UNC5D: variants seen among roughly 807,000 people sequenced by gnomAD.
UNC5D encodes the protein unc-5 netrin receptor D, also known as netrin receptor UNC5D.
UNC5D carries 39 observed loss-of-function variants against 105.4 expected under a neutral mutation model. That is an observed-to-expected ratio of 0.37 (90% CI 0.29 to 0.48). The LOEUF is 0.48. Ranked by LOEUF, UNC5D falls within the 20% of genes least tolerant of loss-of-function variation. UNC5D has a pLI of 0.98. For synonymous variants in UNC5D, 452 were observed against 450.4 expected, an observed-to-expected ratio of 1.00 and a Z score of -0.04; for missense variants, 991 against 1,202.4, an observed-to-expected ratio of 0.82 and a Z score of 2.60.
At chr8:35,484,690 G>T (rs1277311970) in intron 1 of UNC5D, among the ~76,000 whole-genome samples, 1 of 152,046 alleles carries the variant, frequency 6.6e-6, no homozygotes, top group Non-Finnish European at 1.5e-5. Flanking sequence ...TGCTCTTTAA[G>T]ACTCTCTTTG....
At chr8:35,571,136 C>G (rs1489372824) in intron 3 of UNC5D, among the ~76,000 whole-genome samples, 1 of 152,092 alleles carries the variant, frequency 6.6e-6, no homozygotes, top group Admixed American at 6.6e-5. Flanking sequence ...CAGGCATGAA[C>G]GACTGAGCCT....
intron 11 of UNC5D, among the ~76,000 whole-genome samples, chr8:35,745,162 GTTAAGGAGAAAAAGTCAAACAAAGATC>G (rs1829941165): frequency 6.6e-6 from 1 of 152,198 alleles, no homozygotes; most frequent in Admixed American, 6.5e-5. Flanking sequence ...GGCATTAAGT[GTTAAGGAGAAAAAGTCAAACAAAGATC>G]TGCTTTTAGT....
chr8:35,301,908 G>T (rs1380153287), intron 1 of UNC5D, among the ~76,000 whole-genome samples: 1 of 152,148 alleles, frequency 6.6e-6, no homozygotes, highest in African/African-American at 2.4e-5. Flanking sequence ...ATTGACGCAG[G>T]CAGGATGTAC....
Position 35,314,897 on chromosome 8 carries a change from A to G in UNC5D, c.103+79010A>G, listed in dbSNP as rs1809171059. ...GAACTCTTGAGAATTCACAGAAGGG[A>G]TATTAAACACCACGTAATGCTGTAA... is the stretch of plus-strand genomic sequence containing the variant. On this transcript the variant is annotated intron_variant, in intron 1 of 16. Transcript: ENST00000404895. Among the ~76,000 whole-genome samples the G allele has an allele frequency of 2.0e-5, 3 of 152,292 alleles. No individual in the cohort carries two copies. In the South Asian group the frequency reaches 6.2e-4, roughly 32 times the overall value.
chr8:35,658,562 A>G (rs1204432054), intron 4 of UNC5D, among the ~76,000 whole-genome samples: 2 of 151,820 alleles, frequency 1.3e-5, no homozygotes, highest in African/African-American at 4.8e-5. Context: ...ATGTTGCATG[A>G]TGATAAAAAA....
At chr8:35,463,618 CAAAAAAAA>C (rs1189276180) in intron 1 of UNC5D, among the ~76,000 whole-genome samples, 1 of 109,820 alleles carries the variant, frequency 9.1e-6, no homozygotes, top group African/African-American at 3.3e-5. Context: ...CTATCTCTAT[CAAAAAAAA>C]AAAAAAAAAG....
intron 1 of UNC5D, among the ~76,000 whole-genome samples, chr8:35,476,959 T>C (rs978595529): frequency 1.2e-4 from 19 of 152,242 alleles, no homozygotes; most frequent in African/African-American, 4.6e-4. Context: ...ACTTAGGTTC[T>C]TCTCTCTGCA....
chr8:35,742,265 A>AG lies in UNC5D; in HGVS notation c.1767-6262_1767-6261insG, dbSNP rs538842632. On this transcript the variant is annotated intron_variant, in intron 11 of 16. Coordinates refer to ENST00000404895, the MANE Select transcript of UNC5D (RefSeq NM_080872.4). ...AGATCTGACTCCAAGAAAAAAAAAA[A>AG]AGAGAGAGAGACAAATAATAAACCT... is the stretch of plus-strand genomic sequence containing the variant. Among the ~76,000 whole-genome samples, 13 of 152,192 alleles carry AG rather than the reference A, an allele frequency of 8.5e-5. No individual in the cohort carries two copies. The East Asian group carries it at 1.7e-3, about 20-fold the overall frequency.
chr8:35,395,486 C>T (rs1055262958), intron 1 of UNC5D, among the ~76,000 whole-genome samples: 4 of 152,136 alleles, frequency 2.6e-5, no homozygotes, highest in African/African-American at 9.7e-5. Context: ...ATTAGCCTAA[C>T]ATTTGGATTT....
chr8:35,398,015 C>G (rs1215533399), intron 1 of UNC5D, among the ~76,000 whole-genome samples: 1 of 152,200 alleles, frequency 6.6e-6, no homozygotes, highest in Non-Finnish European at 1.5e-5. Flanking sequence ...TCTCCAAATT[C>G]ACCAGGCTCT....
chr8:35,398,769 T>C (rs1174015702), intron 1 of UNC5D, among the ~76,000 whole-genome samples: 2 of 152,212 alleles, frequency 1.3e-5, no homozygotes, highest in Admixed American at 1.3e-4. Context: ...TTGTTAGTGA[T>C]TTGGACACAT....
intron 1 of UNC5D, among the ~76,000 whole-genome samples, chr8:35,509,090 C>A (rs1812519035): frequency 6.6e-6 from 1 of 152,116 alleles, no homozygotes; most frequent in African/African-American, 2.4e-5. Flanking sequence ...GGCTAAGGAA[C>A]TTTAATTGTG....
At chr8:35,722,130 G>T in intron 8 of UNC5D, 80 bp from the exon 9 acceptor site, 1 of 1,505,284 alleles carries the variant, frequency 6.6e-7, no homozygotes. Flanking sequence ...AAATCCAATA[G>T]CATTTCCTTT....
chr8:35,643,589 C>T (rs182818134), intron 4 of UNC5D, among the ~76,000 whole-genome samples: 283 of 152,108 alleles, frequency 1.9e-3, no homozygotes, highest in Non-Finnish European at 3.3e-3. Context: ...CATATTAGTC[C>T]GGCTGATCTC....
At position 35,790,833 on chromosome 8, in the gene UNC5D, GT is replaced by G; in HGVS notation, c.*271del. 1 of 494,462 alleles carries G rather than the reference GT, an allele frequency of 2.0e-6. No individual in the cohort carries two copies. Among genetic ancestry groups the G allele is most frequent in the Non-Finnish European group, 3.6e-6 (1 of 274,312 alleles). 30.6% of individuals were successfully genotyped at this position (494,462 alleles called of 1,614,324 possible). A position where few individuals can be genotyped will look rare whatever the true frequency, so the allele number is the denominator to read the frequency against. On this transcript the variant is annotated 3_prime_UTR_variant, in exon 17 of 17. Coordinates refer to ENST00000404895, the MANE Select transcript of UNC5D (RefSeq NM_080872.4). ...CAGATTTGGAGTGGCAAGGATAAAAGTGAGGGCAGAAGTAGCTGTGGGAAAA... is the reference window on the plus strand; with the variant it reads ...CAGATTTGGAGTGGCAAGGATAAAAGGAGGGCAGAAGTAGCTGTGGGAAAA...
intron 4 of UNC5D, among the ~76,000 whole-genome samples, chr8:35,642,648 G>T (rs1482120817): frequency 1.3e-5 from 2 of 151,982 alleles, no homozygotes; most frequent in Non-Finnish European, 2.9e-5. Flanking sequence ...CTGGAGATGG[G>T]GCAGATCAGC....
intron 1 of UNC5D, among the ~76,000 whole-genome samples, chr8:35,471,158 C>A (rs1047314900): frequency 6.6e-6 from 1 of 152,062 alleles, no homozygotes; most frequent in African/African-American, 2.4e-5. Context: ...ATTCTGTGAC[C>A]TTGTTCTGCA....
At chr8:35,769,583 G>T (rs1473206448) in intron 15 of UNC5D, among the ~76,000 whole-genome samples, 1 of 152,178 alleles carries the variant, frequency 6.6e-6, no homozygotes, top group Non-Finnish European at 1.5e-5. Context: ...TGGATGTCTT[G>T]GTTGAATGAT....
At chr8:35,607,680 T>C (rs1820392324) in intron 4 of UNC5D, among the ~76,000 whole-genome samples, 1 of 152,148 alleles carries the variant, frequency 6.6e-6, no homozygotes, top group South Asian at 2.1e-4. Flanking sequence ...TAAGGGGCTT[T>C]TTTCCTCTTT....
Sources: gnomAD v4.1 joint callset for allele counts (sites outside exome capture counted in the v4.1 genomes callset) on GRCh38, gnomAD v4.1.1 for gene constraint, MANE v1.5 for transcripts, NCBI Gene and HGNC (gene_info 2026-07-23, HGNC 2026-07-21) for gene names.